Variants in LINGO2 observed in about 807,000 individuals in gnomAD.
LINGO2 encodes leucine-rich repeat and immunoglobulin-like domain-containing nogo receptor-interacting protein 2.
LINGO2 carries 14 observed loss-of-function variants against 30.6 expected under a neutral mutation model. The ratio of observed to expected loss-of-function variants is 0.46; its 90% CI spans 0.30 to 0.72. The LOEUF (loss-of-function observed/expected upper bound fraction) is 0.72, where lower values mean the gene tolerates loss of function less well. Among genes scored for constraint, LINGO2 ranks in the 30% least tolerant of loss-of-function variants. The pLI is 0.07. For missense variants in LINGO2, 729 were observed against 751.7 expected (o/e 0.97, Z 0.35); for synonymous variants, 317 against 288.5 (o/e 1.10, Z -1.00).
chr9:28,652,223 TAA>T (rs1169257806), intron 1 of LINGO2, among the ~76,000 whole-genome samples: 1 of 152,172 alleles, frequency 6.6e-6, no homozygotes. Context: ...CTAATTTATT[TAA>T]GACATAGGGT....
intron 4 of LINGO2, among the ~76,000 whole-genome samples, chr9:28,073,272 A>C (rs1318543146): frequency 1.3e-5 from 2 of 151,988 alleles, no homozygotes; most frequent in Non-Finnish European, 2.9e-5. Context: ...CTTCAAATTT[A>C]ATTTCTTCAC....
At chr9:28,723,323 T>C in the LINGO2 span, among the ~76,000 whole-genome samples, 10 of 152,164 alleles carry the variant, frequency 6.6e-5, no homozygotes, top group African/African-American at 1.9e-4. Flanking sequence ...CAATATTCTA[T>C]ATATTAAGCT....
chr9:28,086,696 A>G (rs1825925949), intron 4 of LINGO2, among the ~76,000 whole-genome samples: 2 of 152,128 alleles, frequency 1.3e-5, no homozygotes, highest in South Asian at 2.1e-4. Context: ...ATCACACACA[A>G]TGCAGCAATC....
the LINGO2 span, among the ~76,000 whole-genome samples, chr9:28,932,519 G>A: frequency 9.2e-5 from 14 of 152,196 alleles, no homozygotes; most frequent in South Asian, 4.1e-4. Flanking sequence ...TTAAGACAAC[G>A]TCTTACATAT....
chr9:28,344,894 G>A (rs1408452788), intron 3 of LINGO2, among the ~76,000 whole-genome samples: 1 of 151,838 alleles, frequency 6.6e-6, no homozygotes, highest in Non-Finnish European at 1.5e-5. Flanking sequence ...AGCATCTTAG[G>A]GTGTTGCAAT....
intron 4 of LINGO2, among the ~76,000 whole-genome samples, chr9:28,149,509 C>A (rs1827925322): frequency 6.8e-6 from 1 of 147,358 alleles, no homozygotes; most frequent in Admixed American, 6.7e-5. Context: ...GCCCAGCCGC[C>A]TCACAGTCTG....
rs200590304 is a variant in LINGO2, at chr9:27,963,738, T to TAA, written c.-35-13034_-35-13033dup. 7.8e-4 allele frequency among the ~76,000 whole-genome samples: 94 copies of TAA among 120,870 alleles called. No homozygotes were observed. In the South Asian group the frequency reaches 0.012, roughly 15 times the overall value. 79.3% of individuals were successfully genotyped at this position (120,870 alleles called of 152,430 possible). On this transcript the variant is annotated intron_variant, in intron 5 of 5. Coordinates refer to ENST00000379992, the Ensembl canonical transcript of LINGO2. ...GGTGAAGAGTGGGTTGAGGTAAGGGTAAAAAAAAAAAAAAAGCAAGCAAAG... is the reference window on the plus strand; with the variant it reads ...GGTGAAGAGTGGGTTGAGGTAAGGGTAAAAAAAAAAAAAAAAAGCAAGCAAAG...
chr9:28,674,433 A>G (rs10968710), upstream of LINGO2, among the ~76,000 whole-genome samples: 15,636 of 152,194 alleles, frequency 0.1, 1,014 homozygotes, highest in East Asian at 0.2. Flanking sequence ...ATCAACCTAC[A>G]TTTGAATGTT....
the LINGO2 span, among the ~76,000 whole-genome samples, chr9:28,744,933 C>T: frequency 2.0e-5 from 3 of 151,892 alleles, no homozygotes; most frequent in South Asian, 2.1e-4. Context: ...CTGCGCTGAT[C>T]CTTGTTTTTA....
At chr9:29,169,309 T>C in the LINGO2 span, among the ~76,000 whole-genome samples, 1 of 152,090 alleles carries the variant, frequency 6.6e-6, no homozygotes, top group Non-Finnish European at 1.5e-5. Context: ...ACTATTTTAA[T>C]AATCTTAGTA....
chr9:28,286,555 A>C (rs917701963), intron 4 of LINGO2, among the ~76,000 whole-genome samples: 4 of 152,212 alleles, frequency 2.6e-5, no homozygotes, highest in African/African-American at 4.8e-5. Flanking sequence ...ACATGGAATC[A>C]ATCTAAATGT....
intron 4 of LINGO2, among the ~76,000 whole-genome samples, chr9:28,103,932 T>C (rs1471190583): frequency 6.6e-6 from 1 of 152,178 alleles, no homozygotes; most frequent in African/African-American, 2.4e-5. Flanking sequence ...TGTTGACTTA[T>C]ACCAATCATT....
At chr9:27,992,579 A>G (rs749348669) in intron 5 of LINGO2, among the ~76,000 whole-genome samples, 3 of 152,092 alleles carry the variant, frequency 2.0e-5, no homozygotes, top group Non-Finnish European at 4.4e-5. Flanking sequence ...GGGAGAACAG[A>G]GGAGGGAGTG....
chr9:28,579,126 G>GTTTC (rs1285040156), intron 1 of LINGO2, among the ~76,000 whole-genome samples: 1 of 150,592 alleles, frequency 6.6e-6, no homozygotes, highest in African/African-American at 2.4e-5. Context: ...CATCCTTTAT[G>GTTTC]GAAATGCTAC....
intron 1 of LINGO2, among the ~76,000 whole-genome samples, chr9:28,525,789 C>G (rs1821001727): frequency 6.6e-6 from 1 of 152,132 alleles, no homozygotes. Context: ...GGCGCAGTGG[C>G]TCACGCCTGT....
At chr9:28,088,419 A>G (rs1308576132) in intron 4 of LINGO2, among the ~76,000 whole-genome samples, 4 of 151,964 alleles carry the variant, frequency 2.6e-5, no homozygotes, top group Non-Finnish European at 5.9e-5. Flanking sequence ...TAAAAGCAAA[A>G]TGTTAAAACC....
At chr9:28,047,790 A>G (rs1477740685) in intron 4 of LINGO2, among the ~76,000 whole-genome samples, 1 of 62,246 alleles carries the variant, frequency 1.6e-5, no homozygotes, top group Non-Finnish European at 4.7e-5. Context: ...CTGAACAAGA[A>G]AAGAGCAAAG....
chr9:28,474,387 TA>T (rs201723099), intron 2 of LINGO2, among the ~76,000 whole-genome samples: 3,256 of 138,300 alleles, frequency 0.024, 105 homozygotes, highest in East Asian at 0.11. Context: ...TCTCAAAGAA[TA>T]AAAAAAGAAA....
At chr9:28,946,124 C>A in the LINGO2 span, among the ~76,000 whole-genome samples, 6 of 152,014 alleles carry the variant, frequency 3.9e-5, no homozygotes, top group Non-Finnish European at 8.8e-5. Flanking sequence ...TACATATATG[C>A]TTTGTAATCT....
Sources: allele counts gnomAD v4.1 joint callset (sites outside exome capture counted in the v4.1 genomes callset), GRCh38; gene constraint gnomAD v4.1.1; transcripts MANE v1.5; gene names NCBI Gene and HGNC (gene_info 2026-07-23, HGNC 2026-07-21).